Variants in WASHC5 observed in about 807,000 individuals in gnomAD.
WASHC5 encodes the protein WASH complex subunit 5.
A neutral mutation model predicts 150.4 loss-of-function variants in WASHC5; 101 were observed. The ratio of observed to expected loss-of-function variants is 0.67; its 90% CI spans 0.57 to 0.79. The LOEUF (loss-of-function observed/expected upper bound fraction) is 0.79, where lower values mean the gene tolerates loss of function less well. WASHC5 is among the 30% of genes least tolerant of loss of function. WASHC5 has a pLI of 0.00. For synonymous variants in WASHC5, 467 were observed against 491.2 expected, an observed-to-expected ratio of 0.95 and a Z score of 0.65; for missense variants, 1,195 against 1,396.3, an observed-to-expected ratio of 0.86 and a Z score of 2.30.
chr8:125,035,540 A>G (rs1326217395), intron 26 of WASHC5, among the ~76,000 whole-genome samples: 1 of 152,192 alleles, frequency 6.6e-6, no homozygotes, highest in Non-Finnish European at 1.5e-5. Context: ...ATTTTGACCA[A>G]TATATAGAAA....
At chr8:125,032,220 G>A (rs1383486586) in intron 27 of WASHC5, 21 bp downstream of exon 27, 1 of 1,613,882 alleles carries the variant, frequency 6.2e-7, no homozygotes, top group Admixed American at 1.7e-5. Flanking sequence ...GTCCCACGTA[G>A]TCCTGGTTGG....
intron 28 of WASHC5, among the ~76,000 whole-genome samples, chr8:125,027,266 G>A (rs969035394): frequency 2.0e-5 from 3 of 152,088 alleles, no homozygotes; most frequent in Non-Finnish European, 2.9e-5. Context: ...TCCCACTACT[G>A]GGTAACTACC....
At chr8:125,052,442 C>A (rs948598403) in intron 17 of WASHC5, among the ~76,000 whole-genome samples, 3 of 151,792 alleles carry the variant, frequency 2.0e-5, no homozygotes, top group African/African-American at 7.3e-5. Flanking sequence ...TCATCCAGAC[C>A]TTTCTCCATT....
At chr8:125,065,284 G>A (rs959908989) in intron 10 of WASHC5, among the ~76,000 whole-genome samples, 17 of 152,188 alleles carry the variant, frequency 1.1e-4, no homozygotes, top group Admixed American at 2.0e-4. Context: ...TGAAATGTCA[G>A]AAATTCAAAT....
intron 3 of WASHC5, among the ~76,000 whole-genome samples, chr8:125,082,675 T>C (rs1817303498): frequency 6.6e-6 from 1 of 152,286 alleles, no homozygotes; most frequent in South Asian, 2.1e-4. Context: ...GTAAAAGAAA[T>C]ATTCCCTAGT....
intron 19 of WASHC5, among the ~76,000 whole-genome samples, chr8:125,048,495 T>G (rs1321226851): frequency 6.6e-6 from 1 of 152,230 alleles, no homozygotes; most frequent in Admixed American, 6.5e-5. Context: ...ATGAGATACC[T>G]TCATGTGCAC....
chr8:125,032,440 G>GCAA, intron 26 of WASHC5, 46 bp from the exon 27 acceptor site: 3 of 1,604,958 alleles, frequency 1.9e-6, no homozygotes, highest in Non-Finnish European at 2.6e-6. Flanking sequence ...CTTGCCTTCA[G>GCAA]CAACATTCAT....
Position 125,057,588 on chromosome 8 carries a change from A to G in WASHC5, c.1843T>C (p.Tyr615His), listed in dbSNP as rs1422903801. ...ACATAGGATACCAACTCTCCAGAATAGTACTGTGACACGCTGAGCAGGTCG... is the reference window on the plus strand; with the variant it reads ...ACATAGGATACCAACTCTCCAGAATGGTACTGTGACACGCTGAGCAGGTCG... ...SPDLLSVSQYYSGELVSYVRK... is the reference protein window; with the variant it reads ...SPDLLSVSQYHSGELVSYVRK... The change falls in exon 15 of 29, where the codon TAT becomes CAT. Residue 615 changes from tyrosine (Y) to histidine (H), a missense_variant. This residue lies in a region of WASHC5 where 997 missense variants were observed against 1,168.1 expected (regional missense o/e 0.85). Coordinates refer to ENST00000318410, the MANE Select transcript of WASHC5 (RefSeq NM_014846.4). 8 of 1,613,230 alleles carry G rather than the reference A, an allele frequency of 5.0e-6. No individual in the cohort carries two copies. Among genetic ancestry groups the G allele is most frequent in the African/African-American group, 1.3e-5 (1 of 74,910 alleles).
chr8:125,074,093 T>A (rs1261763704), intron 8 of WASHC5, among the ~76,000 whole-genome samples: 1 of 152,206 alleles, frequency 6.6e-6, no homozygotes, highest in African/African-American at 2.4e-5. Context: ...TCTGCTTTAC[T>A]TAAAGGAAGT....
chr8:125,069,988 T>C (rs1816853959), intron 9 of WASHC5, among the ~76,000 whole-genome samples: 1 of 152,234 alleles, frequency 6.6e-6, no homozygotes, highest in South Asian at 2.1e-4. Context: ...TTTAGCTTCT[T>C]GGTATAAACC....
chr8:125,085,932 T>G (rs1304509508), intron 1 of WASHC5, among the ~76,000 whole-genome samples: 1 of 152,190 alleles, frequency 6.6e-6, no homozygotes, highest in Non-Finnish European at 1.5e-5. Flanking sequence ...CCTGTGTGCC[T>G]TCCCCTGCAA....
Position 125,038,869 on chromosome 8 carries a change from G to A in WASHC5, c.3045C>T (p.Ala1015=). The change falls in exon 25 of 29, where the codon GCC becomes GCT. Residue 1015 remains alanine (A), a synonymous_variant. Transcript: ENST00000318410. ...TGTGAATGCCAGCTGCCTCCAGATA[G>A]GCTGTGATTTCATATAAAAGTGTGT... The part of the protein sequence containing the change: ...EDNTLLYEIT[A]YLEAAGIHNP... The A allele has an allele frequency of 6.2e-7, 1 of 1,614,108 alleles. No homozygotes were observed. Among genetic ancestry groups the A allele is most frequent in the Non-Finnish European group, 8.5e-7 (1 of 1,179,972 alleles).
intron 26 of WASHC5, among the ~76,000 whole-genome samples, chr8:125,037,000 C>T (rs1054069188): frequency 3.3e-5 from 5 of 151,914 alleles, no homozygotes; most frequent in South Asian, 4.2e-4. Context: ...GCAATAAGAA[C>T]AAAACTCCAT....
chr8:125,031,919 G>A (rs768529666), intron 27 of WASHC5, among the ~76,000 whole-genome samples: 5 of 152,218 alleles, frequency 3.3e-5, no homozygotes, highest in South Asian at 2.1e-4. Flanking sequence ...GCAGGGGCTC[G>A]CTGAGATTGA....
rs1439410090 is a variant in WASHC5, at chr8:125,039,080, T to C, written c.2955-121A>G. ...GTTTCCTCATCTGTAAAATGAGAGC[T>C]TGATCTCGCTAATTCTCAACCATGC... On this transcript the variant is annotated intron_variant, in intron 24 of 28. Coordinates refer to ENST00000318410, the MANE Select transcript of WASHC5 (RefSeq NM_014846.4). The C allele has an allele frequency of 5.5e-6, 6 of 1,087,000 alleles. No individual in the cohort carries two copies. The South Asian group carries it at 6.5e-5, about 12-fold the overall frequency. The allele number at this position is 1,087,000 out of a possible 1,614,324, so 67.3% of individuals were successfully genotyped here.
chr8:125,048,824 T>G (rs949082270), intron 19 of WASHC5, among the ~76,000 whole-genome samples, 182 bp downstream of exon 19: 1 of 152,216 alleles, frequency 6.6e-6, no homozygotes, highest in Non-Finnish European at 1.5e-5. Flanking sequence ...CTTAGGACAG[T>G]GAGCTCCCGG....
chr8:125,081,266 C>T (rs1262417263), intron 5 of WASHC5, among the ~76,000 whole-genome samples: 4 of 127,450 alleles, frequency 3.1e-5, no homozygotes, highest in Admixed American at 2.9e-4. Context: ...GAGACATAGT[C>T]TCGCTCTGTC....
intron 27 of WASHC5, among the ~76,000 whole-genome samples, chr8:125,030,186 C>T (rs1815485262): frequency 6.6e-6 from 1 of 152,154 alleles, no homozygotes; most frequent in Non-Finnish European, 1.5e-5. Flanking sequence ...ACAATTGGGA[C>T]AGCCAGTTGT....
At chr8:125,079,837 T>A in intron 5 of WASHC5, among the ~76,000 whole-genome samples, 1 of 152,250 alleles carries the variant, frequency 6.6e-6, no homozygotes, top group East Asian at 1.9e-4. Flanking sequence ...TGAATTACTA[T>A]GTATATGTAC....
Sources: allele counts gnomAD v4.1 joint callset (sites outside exome capture counted in the v4.1 genomes callset), GRCh38; gene constraint gnomAD v4.1.1; regional missense constraint gnomAD v4.1.1; transcripts MANE v1.5; gene names NCBI Gene and HGNC (gene_info 2026-07-23, HGNC 2026-07-21).